FRMPD4: variants seen among roughly 807,000 people sequenced by gnomAD.
FRMPD4 encodes the protein FERM and PDZ domain containing 4, also known as FERM and PDZ domain-containing protein 4.
FRMPD4 carries 22 observed loss-of-function variants against 94.1 expected under a neutral mutation model. That is an observed-to-expected ratio of 0.23 (90% CI 0.17 to 0.33). The LOEUF is 0.33. Ranked by LOEUF, FRMPD4 falls within the 10% of genes least tolerant of loss-of-function variation. The pLI is 1.00. For synonymous variants in FRMPD4, 631 were observed against 548.6 expected (o/e 1.15, Z -2.10); for missense variants, 1,111 against 1,339.9 (o/e 0.83, Z 2.67).
At chrX:12,389,247 G>T (rs1031059360) in intron 1 of FRMPD4, among the ~76,000 whole-genome samples, 2 of 110,141 alleles carry the variant, frequency 1.8e-5, no homozygotes, top group Non-Finnish European at 3.8e-5. Flanking sequence ...GCTGAGGTGG[G>T]CGGATCACCT....
chrX:12,306,229 GTC>G (rs945121268), intron 1 of FRMPD4, among the ~76,000 whole-genome samples: 2 of 111,140 alleles, frequency 1.8e-5, no homozygotes, highest in Non-Finnish European at 3.8e-5. Context: ...GCATTTCTTT[GTC>G]TCAAAAAGTT....
intron 3 of FRMPD4, among the ~76,000 whole-genome samples, chrX:11,990,376 T>C (rs1032704354): frequency 8.9e-6 from 1 of 112,224 alleles, no homozygotes; most frequent in Non-Finnish European, 1.9e-5. Flanking sequence ...CAGAACTAGA[T>C]AAATGTGGTG....
rs755425393 is a variant in FRMPD4 at position 12,534,116 on chromosome X, G to C, written c.158+35320G>C. ...GATGCCCTGCATCCCAACTGCGCCA[G>C]CCTTGGCTGAAAGGGGCCAATGTAG... On this transcript the variant is annotated intron_variant, in intron 2 of 16. Transcript: ENST00000675598. 4.8e-3 allele frequency among the ~76,000 whole-genome samples: 543 copies of C among 113,132 alleles called. 2 individuals are homozygous for C. The highest frequency in any genetic ancestry group is 9.2e-3 in the Middle Eastern group (2 of 218).
At chrX:12,538,582 G>A (rs928735922) in intron 2 of FRMPD4, among the ~76,000 whole-genome samples, 3 of 111,636 alleles carry the variant, frequency 2.7e-5, no homozygotes, top group African/African-American at 9.8e-5. Flanking sequence ...CCCCAGTAGG[G>A]GCAGACTGAC....
At chrX:12,226,201 C>G (rs192218742) in intron 1 of FRMPD4, among the ~76,000 whole-genome samples, 1 of 111,496 alleles carries the variant, frequency 9.0e-6, no homozygotes, top group Admixed American at 9.5e-5. Context: ...ACCTCCTGGG[C>G]TCAAGCGATC....
chrX:12,547,448 TG>T (rs1226739578), intron 2 of FRMPD4, among the ~76,000 whole-genome samples: 1 of 111,937 alleles, frequency 8.9e-6, no homozygotes, highest in Non-Finnish European at 1.9e-5. Flanking sequence ...AAATATTTCA[TG>T]GCATGTGAAC....
intron 1 of FRMPD4, among the ~76,000 whole-genome samples, chrX:11,854,644 A>G (rs1015438257): frequency 8.9e-6 from 1 of 112,378 alleles, no homozygotes; most frequent in African/African-American, 3.2e-5. Context: ...CAGTCATTAA[A>G]CCTTAAAGTT....
At chrX:12,470,868 C>G (rs764242890) in intron 1 of FRMPD4, among the ~76,000 whole-genome samples, 2 of 111,838 alleles carry the variant, frequency 1.8e-5, no homozygotes, top group South Asian at 3.8e-4. Context: ...AAAACAAATT[C>G]AGAAACCTAG....
At chrX:12,007,378 A>T (rs1446293433) in intron 3 of FRMPD4, among the ~76,000 whole-genome samples, 3 of 112,407 alleles carry the variant, frequency 2.7e-5, no homozygotes, top group Non-Finnish European at 5.6e-5. Flanking sequence ...CTGTTATTTC[A>T]AACTGCTAAG....
At chrX:12,479,125 A>G (rs1463615030) in intron 1 of FRMPD4, among the ~76,000 whole-genome samples, 1 of 110,907 alleles carries the variant, frequency 9.0e-6, no homozygotes, top group Non-Finnish European at 1.9e-5. Context: ...AAACTTGAAA[A>G]TAAAGCATAA....
intron 3 of FRMPD4, among the ~76,000 whole-genome samples, chrX:12,077,653 T>C (rs185829098): frequency 1.2e-4 from 13 of 111,573 alleles, no homozygotes; most frequent in African/African-American, 4.2e-4. Flanking sequence ...CTTCTGTTTG[T>C]TGACACCGTG....
chrX:12,419,586 G>A, intron 1 of FRMPD4, among the ~76,000 whole-genome samples: 1 of 111,533 alleles, frequency 9.0e-6, no homozygotes, highest in Admixed American at 9.5e-5. Flanking sequence ...ATGTTTCAGA[G>A]TGGAAAGGAG....
At chrX:12,309,701 A>T (rs956790647) in intron 1 of FRMPD4, among the ~76,000 whole-genome samples, 1 of 112,504 alleles carries the variant, frequency 8.9e-6, no homozygotes, top group Non-Finnish European at 1.9e-5. Context: ...CAGATACTAT[A>T]GCCTAATATC....
At chrX:11,913,075 GCCAGTTGT>G (rs2054005371) in intron 3 of FRMPD4, among the ~76,000 whole-genome samples, 1 of 112,242 alleles carries the variant, frequency 8.9e-6, no homozygotes, top group African/African-American at 3.2e-5. Flanking sequence ...TGCCTCCAAA[GCCAGTTGT>G]CTTTGAAGCT....
intron 1 of FRMPD4, among the ~76,000 whole-genome samples, chrX:12,367,863 T>A: frequency 8.9e-6 from 1 of 111,896 alleles, no homozygotes; most frequent in Non-Finnish European, 1.9e-5. Flanking sequence ...ACTTTCATCT[T>A]CATGTAAAAC....
rs1422609927 is a variant in FRMPD4 at position 12,341,806 on chromosome X, TA to T, written c.42-156865del. Among the ~76,000 whole-genome samples the T allele has an allele frequency of 1.5e-3, 167 of 110,622 alleles. No individual in the cohort carries two copies. The Middle Eastern group carries it at 0.023, about 16-fold the overall frequency. ...GAACAACCTGTGATTCAAGGAACTT[TA>T]AAAAAAAAGTCCCTTTTCAGATATT... is the stretch of plus-strand genomic sequence containing the variant. On this transcript the variant is annotated intron_variant, in intron 1 of 16. Coordinates refer to ENST00000675598, the MANE Select transcript of FRMPD4 (RefSeq NM_001368397.1).
chrX:11,823,902 C>A (rs951734033), intron 1 of FRMPD4, among the ~76,000 whole-genome samples: 2 of 111,649 alleles, frequency 1.8e-5, no homozygotes, highest in South Asian at 7.5e-4. Context: ...TACAAAACTG[C>A]CTTTCTAACA....
At chrX:12,481,689 C>T (rs777718329) in intron 1 of FRMPD4, among the ~76,000 whole-genome samples, 1 of 109,015 alleles carries the variant, frequency 9.2e-6, no homozygotes, top group South Asian at 4.1e-4. Flanking sequence ...TGCCTGTAAT[C>T]CCAGCACTTT....
chrX:12,204,257 A>ATT (rs2056665167), intron 1 of FRMPD4, among the ~76,000 whole-genome samples: 1 of 112,283 alleles, frequency 8.9e-6, no homozygotes, highest in African/African-American at 3.2e-5. Flanking sequence ...CACAACAAAG[A>ATT]ATTACCCAGC....
Sources: allele counts gnomAD v4.1 joint callset (sites outside exome capture counted in the v4.1 genomes callset), GRCh38; gene constraint gnomAD v4.1.1; transcripts MANE v1.5; gene names NCBI Gene and HGNC (gene_info 2026-07-23, HGNC 2026-07-21).